The following ENOSF1 variants were observed in gnomAD, a reference collection of about 807,000 sequenced individuals.
The protein encoded by ENOSF1 is mitochondrial enolase superfamily member 1.
Under a neutral mutation model 68.2 loss-of-function variants are expected in ENOSF1, and 73 were observed. The observed-to-expected ratio is 1.07, with a 90% CI of 0.89 to 1.30. The LOEUF is 1.30. Among genes scored for constraint, ENOSF1 ranks in the 50% most tolerant of loss-of-function variants. The pLI is 0.00. For missense variants in ENOSF1, 589 were observed against 554.5 expected, an observed-to-expected ratio of 1.06 and a Z score of -0.62; for synonymous variants, 223 against 210.4, an observed-to-expected ratio of 1.06 and a Z score of -0.52.
the ENOSF1 span, among the ~76,000 whole-genome samples, chr18:665,092 G>C: frequency 6.6e-6 from 1 of 151,990 alleles, no homozygotes; most frequent in African/African-American, 2.4e-5. Flanking sequence ...CAGAAGGAAT[G>C]GTACCAGTTC....
intron 5 of ENOSF1, chr18:693,632 A>C (rs1209930211): frequency 3.9e-5 from 38 of 985,256 alleles, no homozygotes; most frequent in Non-Finnish European, 4.6e-5. Context: ...ACCGTGTGTT[A>C]CACATGCACA....
the ENOSF1 span, among the ~76,000 whole-genome samples, chr18:663,510 CTT>C: frequency 2.1e-5 from 2 of 93,782 alleles, 1 homozygote; most frequent in Non-Finnish European, 3.9e-5. Flanking sequence ...TGCAGAAGCT[CTT>C]TAGTTTAATT....
intron 1 of ENOSF1, chr18:712,222 G>A (rs930900924): frequency 5.4e-6 from 8 of 1,482,574 alleles, no homozygotes; most frequent in African/African-American, 2.8e-5. Flanking sequence ...ATTGCTCCAA[G>A]GCATGAAAAG....
intron 14 of ENOSF1, among the ~76,000 whole-genome samples, 185 bp downstream of exon 14, chr18:677,160 A>G (rs2075596782): frequency 6.6e-6 from 1 of 152,254 alleles, no homozygotes; most frequent in Admixed American, 6.5e-5. Flanking sequence ...ACCCTATCTT[A>G]GGAGGCAAAA....
intron 2 of ENOSF1, among the ~76,000 whole-genome samples, chr18:703,785 G>C (rs2741167): frequency 0.63 from 96,158 of 152,016 alleles, 30,953 homozygotes; most frequent in African/African-American, 0.77. Context: ...AGTGTAATCC[G>C]CAGTGTTGGA....
At chr18:710,441 A>C (rs890232858) in intron 1 of ENOSF1, among the ~76,000 whole-genome samples, 3 of 152,182 alleles carry the variant, frequency 2.0e-5, no homozygotes, top group Non-Finnish European at 4.4e-5. Flanking sequence ...TCACAAATTC[A>C]AAGTCAAGTC....
At chr18:676,464 T>A (rs528855543) in intron 14 of ENOSF1, among the ~76,000 whole-genome samples, 6 of 152,152 alleles carry the variant, frequency 3.9e-5, no homozygotes, top group Non-Finnish European at 7.3e-5. Context: ...CCCCTCACTC[T>A]CTCTTCCTCC....
chr18:683,840 T>G (rs116922434), intron 10 of ENOSF1, among the ~76,000 whole-genome samples: 680 of 152,252 alleles, frequency 4.5e-3, no homozygotes, highest in Non-Finnish European at 6.0e-3. Flanking sequence ...GGCACAATAA[T>G]AAGTAGCCTT....
Position 683,248 on chromosome 18 carries a change from T to C in ENOSF1, c.874A>G (p.Lys292Glu). The change falls in exon 11 of 16, where the codon AAG (lysine) becomes GAG (glutamate). Residue 292 changes from lysine to glutamate, a missense_variant and splice_region_variant. By Grantham distance (56) the Lys-to-Glu change is moderately conservative. Transcript: ENST00000647584. ...DDILGHATIS[K>E]ALVPLGIGIA... ...AGCAGCAGCAGCCGTTTTCCTACCT[T>C]GGAAATGGTGGCGTGCCCCAGAATG... is the stretch of plus-strand genomic sequence containing the variant. The C allele has an allele frequency of 6.2e-7, 1 of 1,613,994 alleles. No individual in the cohort carries two copies. The highest frequency in any genetic ancestry group is 8.5e-7 in the Non-Finnish European group (1 of 1,179,960).
chr18:712,225 A>G lies in ENOSF1; in HGVS notation c.84+279T>C, dbSNP rs1049303463. 10 of 1,495,688 alleles carry G rather than the reference A, an allele frequency of 6.7e-6. No homozygotes were observed. In the African/African-American group the frequency reaches 9.7e-5, roughly 15 times the overall value. The allele number at this position is 1,495,688 out of a possible 1,614,324, so 92.7% of individuals were successfully genotyped here. ...GATACTTATACAATTGCTCCAAGGC[A>G]TGAAAAGCGAGTGTCTCCCCCAGGC... On this transcript the variant is annotated intron_variant, in intron 1 of 15. Coordinates refer to ENST00000647584, the MANE Select transcript of ENOSF1 (RefSeq NM_017512.7).
Position 706,574 on chromosome 18 carries a change from G to T in ENOSF1, c.89C>A (p.Thr30Lys). The change falls in exon 2 of 16, where the codon ACG becomes AAG. Residue 30 changes from threonine to lysine, a missense_variant. Thr to Lys is a moderately conservative substitution (Grantham distance 78, BLOSUM62 -1). Coordinates refer to ENST00000647584, the MANE Select transcript of ENOSF1 (RefSeq NM_017512.7). ...ATAGGCAGCCGAGTAGTCAGGGTCCGTGTGCTGCAGGAGAAGAGTTCCCCG... is the reference window on the plus strand; with the variant it reads ...ATAGGCAGCCGAGTAGTCAGGGTCCTTGTGCTGCAGGAGAAGAGTTCCCCG... The part of the protein sequence containing the change: ...LGGHGADAMH[T>K]DPDYSAAYVV... The T allele has an allele frequency of 6.2e-7, 1 of 1,612,056 alleles. No homozygotes were observed. Among genetic ancestry groups the T allele is most frequent in the South Asian group, 1.1e-5 (1 of 91,008 alleles).
intron 1 of ENOSF1, among the ~76,000 whole-genome samples, chr18:708,491 C>T (rs749784300): frequency 9.9e-5 from 15 of 151,684 alleles, no homozygotes; most frequent in Non-Finnish European, 1.6e-4. Context: ...GGCAACAAAG[C>T]GAGACCCCAT....
chr18:678,034 G>T, intron 12 of ENOSF1, 162 bp from the exon 13 acceptor site: 1 of 767,086 alleles, frequency 1.3e-6, no homozygotes, highest in Non-Finnish European at 2.0e-6. Flanking sequence ...CATGAGGCGA[G>T]CTTTTATAGC....
intron 6 of ENOSF1, 23 bp downstream of exon 6, chr18:691,181 T>C (rs369557246): frequency 1.9e-6 from 3 of 1,613,790 alleles, no homozygotes; most frequent in Non-Finnish European, 2.5e-6. Context: ...ACGTCGTGTA[T>C]CCCAGAAAGC....
At chr18:675,098 G>A (rs1397992930) in intron 15 of ENOSF1, among the ~76,000 whole-genome samples, 1 of 152,204 alleles carries the variant, frequency 6.6e-6, no homozygotes, top group Non-Finnish European at 1.5e-5. Context: ...CCACTAGTGA[G>A]GAAAGGCTAG....
chr18:671,263 C>T lies in ENOSF1; in HGVS notation c.*3042G>A. On this transcript the variant is annotated 3_prime_UTR_variant, in exon 16 of 16. Transcript: ENST00000647584. Reference sequence around the variant, plus strand: ...TTGCTACAAAAAAATGGAAAAGCTACACTAAATTATTTTTTTAAAAAAAGC... The same window carrying T: ...TTGCTACAAAAAAATGGAAAAGCTATACTAAATTATTTTTTTAAAAAAAGC... The T allele has an allele frequency of 1.3e-6, 1 of 770,932 alleles. No homozygotes were observed. Among genetic ancestry groups the T allele is most frequent in the East Asian group, 2.5e-5 (1 of 40,196 alleles). The allele number at this position is 770,932 out of a possible 1,614,324, so 47.8% of individuals were successfully genotyped here. A position where few individuals can be genotyped will look rare whatever the true frequency, so the allele number is the denominator to read the frequency against.
chr18:691,480 G>C (rs770358273), intron 5 of ENOSF1: 14 of 541,546 alleles, frequency 2.6e-5, no homozygotes, highest in Non-Finnish European at 4.6e-5. Flanking sequence ...TGAGTAGCTG[G>C]GACTCCAGGT....
chr18:675,414 G>GA lies in ENOSF1; in HGVS notation c.1149-13dup. 5 of 1,609,006 alleles carry GA rather than the reference G, an allele frequency of 3.1e-6. No individual in the cohort carries two copies. Among genetic ancestry groups the GA allele is most frequent in the Non-Finnish European group, 4.2e-6 (5 of 1,177,368 alleles). ...CATACTCACACACCCTAGGAGGAGG[G>GA]AATCAGATCGGGGCAATGATGCCTG... is the stretch of plus-strand genomic sequence containing the variant. On this transcript the variant is annotated splice_polypyrimidine_tract_variant and intron_variant, in intron 14 of 15. Coordinates refer to ENST00000647584, the MANE Select transcript of ENOSF1 (RefSeq NM_017512.7).
At chr18:706,808 T>C (rs1358880238) in intron 1 of ENOSF1, 15 of 109,100 alleles carry the variant, frequency 1.4e-4, no homozygotes. Context: ...TATGTATATA[T>C]ATATATATTT....
Sources: allele counts gnomAD v4.1 joint callset (sites outside exome capture counted in the v4.1 genomes callset), GRCh38; gene constraint gnomAD v4.1.1; transcripts MANE v1.5; gene names NCBI Gene and HGNC (gene_info 2026-07-23, HGNC 2026-07-21).